Variants in CYP2J2 observed in about 807,000 individuals in gnomAD.
CYP2J2 encodes cytochrome P450 family 2 subfamily J member 2, also known as cytochrome P450 2J2.
Under a neutral mutation model 48.8 loss-of-function variants are expected in CYP2J2, and 41 were observed. The observed-to-expected ratio is 0.84, with a 90% CI of 0.66 to 1.09. The LOEUF is 1.09. CYP2J2 is among the 50% of genes least tolerant of loss of function. CYP2J2 has a pLI of 0.00. For synonymous variants in CYP2J2, 221 were observed against 227.1 expected, an observed-to-expected ratio of 0.97 and a Z score of 0.24; for missense variants, 644 against 617.3, an observed-to-expected ratio of 1.04 and a Z score of -0.46.
intron 7 of CYP2J2, among the ~76,000 whole-genome samples, chr1:59,904,030 C>T (rs903798517): frequency 1.3e-5 from 2 of 152,180 alleles, no homozygotes; most frequent in Admixed American, 6.5e-5. Flanking sequence ...CTTTCCCTTC[C>T]CAATAATGAA....
chr1:59,955,659 C>A, the CYP2J2 span, among the ~76,000 whole-genome samples: 1 of 152,066 alleles, frequency 6.6e-6, no homozygotes, highest in Non-Finnish European at 1.5e-5. Flanking sequence ...TTTTGGTACC[C>A]AGACAACAAT....
intron 7 of CYP2J2, among the ~76,000 whole-genome samples, chr1:59,903,067 C>T (rs1644334671): frequency 6.6e-6 from 1 of 152,188 alleles, no homozygotes; most frequent in Non-Finnish European, 1.5e-5. Context: ...TAGAAAAATG[C>T]AAACAGCACC....
upstream of CYP2J2, chr1:59,926,852 G>A: frequency 4.7e-6 from 5 of 1,059,098 alleles, no homozygotes; most frequent in South Asian, 4.4e-5. Flanking sequence ...CTCCCAGCCC[G>A]CCCCTTCGCA....
chr1:59,948,484 T>C, the CYP2J2 span, among the ~76,000 whole-genome samples: 1 of 152,200 alleles, frequency 6.6e-6, no homozygotes, highest in African/African-American at 2.4e-5. Flanking sequence ...AAATTATTTA[T>C]GTTATAAAAC....
the CYP2J2 span, among the ~76,000 whole-genome samples, chr1:59,961,703 G>C: frequency 6.6e-6 from 1 of 152,032 alleles, no homozygotes; most frequent in Non-Finnish European, 1.5e-5. Context: ...AGTAACCAAA[G>C]AGTAGAAACA....
chr1:59,935,027 T>TATATATACAC, the CYP2J2 span, among the ~76,000 whole-genome samples: 18 of 100,134 alleles, frequency 1.8e-4, no homozygotes, highest in African/African-American at 7.3e-4. Context: ...TATATATATA[T>TATATATACAC]ATATATATAT....
the CYP2J2 span, among the ~76,000 whole-genome samples, chr1:59,968,590 A>G: frequency 6.6e-6 from 1 of 152,230 alleles, no homozygotes; most frequent in Non-Finnish European, 1.5e-5. Context: ...GGGGCATCCC[A>G]GTTCCGTTAA....
the CYP2J2 span, among the ~76,000 whole-genome samples, chr1:59,953,498 G>A: frequency 2.1e-5 from 3 of 143,782 alleles, no homozygotes; most frequent in African/African-American, 8.5e-5. Context: ...AGAGACACCA[G>A]TGTGTATATG....
chr1:59,910,032 C>A, intron 4 of CYP2J2, 72 bp from the exon 5 acceptor site: 2 of 1,172,676 alleles, frequency 1.7e-6, no homozygotes, highest in South Asian at 1.4e-5. Context: ...CAACAGAAAC[C>A]ATCTTCTCTT....
At chr1:59,966,475 C>T in the CYP2J2 span, among the ~76,000 whole-genome samples, 2 of 152,158 alleles carry the variant, frequency 1.3e-5, no homozygotes, top group African/African-American at 2.4e-5. Context: ...ACGTAGATTA[C>T]ACAGCTGGTA....
the CYP2J2 span, among the ~76,000 whole-genome samples, chr1:59,951,743 AC>A: frequency 6.6e-6 from 1 of 152,062 alleles, no homozygotes; most frequent in Non-Finnish European, 1.5e-5. Context: ...CTTATTAGTC[AC>A]CAAGGACCCT....
At chr1:59,905,810 C>T (rs1359541698) in intron 6 of CYP2J2, among the ~76,000 whole-genome samples, 1 of 152,204 alleles carries the variant, frequency 6.6e-6, no homozygotes, top group Non-Finnish European at 1.5e-5. Flanking sequence ...TGGTTGAGTG[C>T]TCACCTAGCC....
chr1:59,948,530 A>G, the CYP2J2 span, among the ~76,000 whole-genome samples: 1 of 152,236 alleles, frequency 6.6e-6, no homozygotes, highest in South Asian at 2.1e-4. Context: ...AGATAGAAAA[A>G]TATTAATACT....
the CYP2J2 span, among the ~76,000 whole-genome samples, chr1:59,966,226 T>C: frequency 1.3e-5 from 2 of 152,170 alleles, no homozygotes; most frequent in East Asian, 1.9e-4. Flanking sequence ...GCCCAGACTT[T>C]TCATGTTAAC....
chr1:59,904,790 C>A, intron 7 of CYP2J2, 81 bp downstream of exon 7: 1 of 1,232,614 alleles, frequency 8.1e-7, no homozygotes, highest in Non-Finnish European at 1.2e-6. Flanking sequence ...TAAATGATTC[C>A]TTAGGACAAG....
intron 8 of CYP2J2, among the ~76,000 whole-genome samples, chr1:59,894,962 TACAAAAAACTTGCAGAGATAG>T (rs1212765781): frequency 3.3e-5 from 5 of 152,236 alleles, no homozygotes; most frequent in African/African-American, 1.2e-4. Context: ...ATTTCAAATG[TACAAAAAACTTGCAGAGATAG>T]ACAAAGAACT....
chr1:59,957,174 G>A, the CYP2J2 span, among the ~76,000 whole-genome samples: 40 of 152,224 alleles, frequency 2.6e-4, no homozygotes, highest in Non-Finnish European at 4.3e-4. Flanking sequence ...TTTGTTCAAC[G>A]CAATGATAGG....
chr1:59,894,952 A>G (rs183598089), intron 8 of CYP2J2, among the ~76,000 whole-genome samples: 95 of 152,338 alleles, frequency 6.2e-4, no homozygotes, highest in African/African-American at 2.2e-3. Context: ...TTCTGAAATA[A>G]TTTCAAATGT....
chr1:59,961,298 C>T, the CYP2J2 span, among the ~76,000 whole-genome samples: 3 of 152,018 alleles, frequency 2.0e-5, no homozygotes, highest in Non-Finnish European at 2.9e-5. Flanking sequence ...AGGCAAATAA[C>T]ACAATTAAAA....
Sources: allele counts gnomAD v4.1 joint callset (sites outside exome capture counted in the v4.1 genomes callset), GRCh38; gene constraint gnomAD v4.1.1; transcripts MANE v1.5; gene names NCBI Gene and HGNC (gene_info 2026-07-23, HGNC 2026-07-21).